The following ZNF324B variants were observed in gnomAD, a reference collection of about 807,000 sequenced individuals.
The protein encoded by ZNF324B is zinc finger protein 324B.
ZNF324B carries 7 observed loss-of-function variants against 10.6 expected under a neutral mutation model. The observed-to-expected ratio is 0.66, with a 90% confidence interval of 0.38 to 1.24. The LOEUF (loss-of-function observed/expected upper bound fraction) is 1.24. Among genes scored for constraint, ZNF324B ranks in the 50% most tolerant of loss-of-function variants. The probability of loss-of-function intolerance (pLI) is 0.02; values close to 1 mark genes in which losing one functional copy is unlikely to be tolerated. For missense variants in ZNF324B, 640 were observed against 764.7 expected, an observed-to-expected ratio of 0.84 and a Z score of 1.92; for synonymous variants, 316 against 321.0, an observed-to-expected ratio of 0.98 and a Z score of 0.17.
chr19:58,451,387 G>T (rs1418805839), upstream of ZNF324B, among the ~76,000 whole-genome samples: 1 of 152,280 alleles, frequency 6.6e-6, no homozygotes, highest in East Asian at 1.9e-4. Context: ...GGGACAACCT[G>T]CCGGGCGACT....
Position 58,455,322 on chromosome 19 carries a change from G to A in ZNF324B, c.378G>A (p.Pro126=), listed in dbSNP as rs372910353. 1.6e-5 allele frequency: 26 copies of A among 1,614,222 alleles called. No individual in the cohort carries two copies. The highest frequency in any genetic ancestry group is 1.5e-4 in the South Asian group (14 of 91,086). The change falls in exon 4 of 4, where the codon CCG becomes CCA. Residue 126 remains proline, a synonymous_variant. Coordinates refer to ENST00000336614, the MANE Select transcript of ZNF324B (RefSeq NM_207395.3). This position sits in a 1 kb window ranked among gnomAD's most constrained non-coding sequence, Gnocchi z 7.0. ...GTGTAAAAAGCCTGCAGCGACAACC[G>A]GGTGCCTCCCCATCTCAGGAGAGAA... ...CHSVKSLQRQ[P]GASPSQERKP...
chr19:58,419,939 A>C, the ZNF324B span, among the ~76,000 whole-genome samples: 2 of 152,290 alleles, frequency 1.3e-5, no homozygotes, highest in South Asian at 4.1e-4. Flanking sequence ...CAGCCTCCTG[A>C]GTAGCAGCGA....
the ZNF324B span, among the ~76,000 whole-genome samples, chr19:58,424,171 C>G: frequency 6.6e-6 from 1 of 152,030 alleles, no homozygotes; most frequent in African/African-American, 2.4e-5. Flanking sequence ...ATAGCTTGAA[C>G]CCAGGAGGCG....
In ZNF324B at chr19:58,456,567, A is replaced by T. The variant is rs528919406; in HGVS notation, c.1623A>T (p.Pro541=). The T allele has an allele frequency of 6.2e-7, 1 of 1,613,710 alleles. No individual in the cohort carries two copies. The highest frequency in any genetic ancestry group is 8.5e-7 in the Non-Finnish European group (1 of 1,179,724). Residue 541 remains proline, a synonymous_variant, in exon 4 of 4, where the codon CCA becomes CCT. Transcript: ENST00000336614. The surrounding 1 kb of genome is among the most constrained non-coding windows in gnomAD (Gnocchi z 4.7). The part of the protein sequence containing the change: ...RGGKPSPVLK[P]AKV ...GGAAGCCAAGCCCAGTCCTGAAGCC[A>T]GCGAAGGTCTGAGGTCACAGGTCGC...
At chr19:58,425,421 TTTCCTTCCTTCC>T in the ZNF324B span, among the ~76,000 whole-genome samples, 3 of 150,574 alleles carry the variant, frequency 2.0e-5, no homozygotes, top group Admixed American at 2.0e-4. Flanking sequence ...GACTTAGATT[TTTCCTTCCTTCC>T]TTCCTTCCTG....
chr19:58,454,102 G>A, intron 2 of ZNF324B, 126 bp from the exon 3 acceptor site: 1 of 727,550 alleles, frequency 1.4e-6, no homozygotes, highest in Non-Finnish European at 2.4e-6. Context: ...CTTGCCCTGT[G>A]CTATCTTTAG....
chr19:58,427,452 C>CCTTCCTTCCTT, the ZNF324B span, among the ~76,000 whole-genome samples: 7 of 47,066 alleles, frequency 1.5e-4, no homozygotes, highest in East Asian at 6.6e-4. Context: ...CCTTTCCTTT[C>CCTTCCTTCCTT]CCTTCCTTCC....
At chr19:58,426,307 G>A in the ZNF324B span, among the ~76,000 whole-genome samples, 4 of 152,328 alleles carry the variant, frequency 2.6e-5, no homozygotes, top group East Asian at 1.9e-4. Context: ...GTGTATAATG[G>A]CTGAAGCTCT....
chr19:58,432,383 G>C, the ZNF324B span: 17 of 487,880 alleles, frequency 3.5e-5, no homozygotes, highest in African/African-American at 3.3e-4. Context: ...ACCCTGCACA[G>C]TCCCAGTTGA....
At chr19:58,443,122 T>C in the ZNF324B span, 4 of 152,264 alleles carry the variant, frequency 2.6e-5, no homozygotes, top group African/African-American at 7.2e-5. Flanking sequence ...GAGTGCTGAT[T>C]GGTGCATTTA....
intron 3 of ZNF324B, chr19:58,454,744 G>A: frequency 1.8e-6 from 1 of 568,964 alleles, no homozygotes; most frequent in Non-Finnish European, 3.1e-6. Context: ...TGGTGCTAGG[G>A]GAGACGCAGT....
intron 3 of ZNF324B, 171 bp downstream of exon 3, chr19:58,454,515 G>A (rs774138483): frequency 2.5e-5 from 15 of 604,454 alleles, no homozygotes; most frequent in Admixed American, 1.2e-4. Context: ...GCCCTTGAAG[G>A]GAGAGCTCCA....
chr19:58,450,092 TAGTG>T (rs201442869), upstream of ZNF324B, among the ~76,000 whole-genome samples: 43 of 152,276 alleles, frequency 2.8e-4, no homozygotes, highest in Middle Eastern at 3.4e-3. Context: ...ATTCTTGTGG[TAGTG>T]AGTAAGTCTC....
At chr19:58,437,872 G>A in the ZNF324B span, 3 of 844,892 alleles carry the variant, frequency 3.6e-6, no homozygotes, top group Non-Finnish European at 4.3e-6. Context: ...AGAACCATAA[G>A]CAGATCTCAA....
At chr19:58,426,158 G>C in the ZNF324B span, among the ~76,000 whole-genome samples, 4 of 152,182 alleles carry the variant, frequency 2.6e-5, no homozygotes, top group East Asian at 7.7e-4. Flanking sequence ...ATCGAAGCTT[G>C]GCTGACTTCT....
the ZNF324B span, chr19:58,437,628 C>T: frequency 1.1e-6 from 1 of 872,110 alleles, no homozygotes; most frequent in Admixed American, 6.2e-5. Flanking sequence ...CTCACCTTTA[C>T]ATGTCACTCC....
chr19:58,442,749 G>C, the ZNF324B span: 2 of 152,168 alleles, frequency 1.3e-5, no homozygotes. Context: ...AATGTTGTTT[G>C]TTCCTCCCAG....
At chr19:58,423,144 C>G in the ZNF324B span, among the ~76,000 whole-genome samples, 31 of 150,810 alleles carry the variant, frequency 2.1e-4, no homozygotes, top group African/African-American at 7.3e-4. Flanking sequence ...GCTGGGATTA[C>G]AAGCGTGAAC....
At chr19:58,449,455 A>C (rs1042855434), upstream of ZNF324B, among the ~76,000 whole-genome samples, 1 of 152,304 alleles carries the variant, frequency 6.6e-6, no homozygotes, top group Admixed American at 6.5e-5. Flanking sequence ...AATGGTAGAT[A>C]CAACCAACAG....
Sources: allele counts gnomAD v4.1 joint callset (sites outside exome capture counted in the v4.1 genomes callset), GRCh38; gene constraint gnomAD v4.1.1; non-coding constraint Gnocchi (gnomAD v3.1); transcripts MANE v1.5; gene names NCBI Gene and HGNC (gene_info 2026-07-23, HGNC 2026-07-21).